The following GPR158 variants were observed in gnomAD, a reference collection of about 807,000 sequenced individuals.
GPR158 encodes metabotropic glycine receptor.
Under a neutral mutation model 78.2 loss-of-function variants are expected in GPR158, and 30 were observed. That is an observed-to-expected ratio of 0.38 (90% CI 0.29 to 0.52). The LOEUF is 0.52. Among genes scored for constraint, GPR158 ranks in the 20% least tolerant of loss-of-function variants. The probability of loss-of-function intolerance (pLI) is 0.83; values close to 1 mark genes in which losing one functional copy is unlikely to be tolerated. For missense variants in GPR158, 1,463 were observed against 1,523.5 expected (o/e 0.96, Z 0.66); for synonymous variants, 581 against 591.1 (o/e 0.98, Z 0.25).
At chr10:25,582,298 G>T (rs1281904954) in intron 7 of GPR158, among the ~76,000 whole-genome samples, 2 of 152,118 alleles carry the variant, frequency 1.3e-5, no homozygotes, top group Non-Finnish European at 2.9e-5. Flanking sequence ...AGCTCATCAT[G>T]TCCCCACTCT....
intron 4 of GPR158, among the ~76,000 whole-genome samples, chr10:25,440,262 C>G (rs1835050626): frequency 6.6e-6 from 1 of 152,202 alleles, no homozygotes; most frequent in Non-Finnish European, 1.5e-5. Context: ...GGGCCACTGA[C>G]TTCAGACTGA....
At chr10:25,591,296 C>T (rs7916181) in intron 8 of GPR158, among the ~76,000 whole-genome samples, 6,783 of 152,100 alleles carry the variant, frequency 0.045, 476 homozygotes, top group African/African-American at 0.15. Flanking sequence ...TGGAATCCCC[C>T]CAAACCTCAC....
chr10:25,227,899 A>G (rs1853396612), intron 2 of GPR158, among the ~76,000 whole-genome samples: 1 of 152,214 alleles, frequency 6.6e-6, no homozygotes, highest in East Asian at 1.9e-4. Flanking sequence ...TATTTATTGG[A>G]TTGGCAAGCA....
At chr10:25,330,653 C>T (rs1376818026) in intron 2 of GPR158, among the ~76,000 whole-genome samples, 1 of 152,166 alleles carries the variant, frequency 6.6e-6, no homozygotes, top group Non-Finnish European at 1.5e-5. Flanking sequence ...TTCTACCCTT[C>T]ATCAAGTAAA....
chr10:25,478,393 CAA>C, intron 5 of GPR158, among the ~76,000 whole-genome samples: 1 of 151,846 alleles, frequency 6.6e-6, no homozygotes, highest in East Asian at 1.9e-4. Flanking sequence ...GGTAAAAGAT[CAA>C]AGTCATTATC....
chr10:25,354,596 A>G (rs2483702), intron 2 of GPR158, among the ~76,000 whole-genome samples: 15,003 of 152,142 alleles, frequency 0.099, 826 homozygotes, highest in South Asian at 0.22. Context: ...TAGATTGCAT[A>G]CTACAATTCC....
chr10:25,268,427 G>T (rs1588767141), intron 2 of GPR158, among the ~76,000 whole-genome samples: 1 of 151,960 alleles, frequency 6.6e-6, no homozygotes, highest in Non-Finnish European at 1.5e-5. Flanking sequence ...TCCTGGATTC[G>T]ATCAAATTCA....
At position 25,598,571 on chromosome 10, in the gene GPR158, A is replaced by AC. The variant is rs974932436; in HGVS notation, c.2949dup (p.Thr984HisfsTer6). 9 of 1,613,778 alleles carry AC rather than the reference A, an allele frequency of 5.6e-6. No homozygotes were observed. The highest frequency in any genetic ancestry group is 1.3e-5 in the African/African-American group (1 of 74,836). On this transcript the variant is annotated frameshift_variant, in exon 11 of 11. Coordinates refer to ENST00000376351, the MANE Select transcript of GPR158 (RefSeq NM_020752.3). LOFTEE classifies it low-confidence loss of function (END_TRUNC). ...GGGATTATGAAACAACAAAGGGTCAACCCCACCACTGCCAATTCTGACCTG... is the reference window on the plus strand; with the variant it reads ...GGGATTATGAAACAACAAAGGGTCAACCCCCACCACTGCCAATTCTGACCTG...
intron 5 of GPR158, among the ~76,000 whole-genome samples, chr10:25,488,956 T>C (rs1273167958): frequency 1.3e-5 from 2 of 152,050 alleles, no homozygotes; most frequent in African/African-American, 2.4e-5. Context: ...AAAACTATGA[T>C]TTTACTCTAG....
chr10:25,364,551 G>A (rs80227082), intron 2 of GPR158, among the ~76,000 whole-genome samples: 4,509 of 151,904 alleles, frequency 0.03, 241 homozygotes, highest in African/African-American at 0.1. Flanking sequence ...ACTCTTTAAT[G>A]CTAATGCTGA....
At chr10:25,580,539 G>C (rs959169884) in intron 7 of GPR158, among the ~76,000 whole-genome samples, 4 of 149,860 alleles carry the variant, frequency 2.7e-5, no homozygotes, top group Non-Finnish European at 5.9e-5. Context: ...AGAAGATTAG[G>C]CTTTATTATG....
chr10:25,343,934 C>T (rs533038882), intron 2 of GPR158, among the ~76,000 whole-genome samples: 1 of 152,026 alleles, frequency 6.6e-6, no homozygotes, highest in Admixed American at 6.6e-5. Flanking sequence ...TATTTAAGAT[C>T]ATTAGGCATA....
At chr10:25,400,028 A>G (rs551635835) in intron 3 of GPR158, among the ~76,000 whole-genome samples, 1 of 152,208 alleles carries the variant, frequency 6.6e-6, no homozygotes, top group Non-Finnish European at 1.5e-5. Flanking sequence ...ACACAGTTAA[A>G]TAATTGAATA....
chr10:25,547,887 A>G (rs376173096), intron 5 of GPR158, among the ~76,000 whole-genome samples: 4 of 152,322 alleles, frequency 2.6e-5, no homozygotes, highest in East Asian at 3.9e-4. Flanking sequence ...AGTGTCTAGC[A>G]TATAGTAAGT....
chr10:25,376,077 G>A (rs1248481583), intron 2 of GPR158, among the ~76,000 whole-genome samples: 3 of 151,408 alleles, frequency 2.0e-5, no homozygotes, highest in East Asian at 1.9e-4. Flanking sequence ...GTAATTTTCA[G>A]CATACAGATG....
intron 3 of GPR158, among the ~76,000 whole-genome samples, chr10:25,401,366 A>G (rs1423133365): frequency 6.6e-6 from 1 of 152,008 alleles, no homozygotes; most frequent in Non-Finnish European, 1.5e-5. Context: ...TCTCCATCCA[A>G]TTGCCGGTCT....
intron 1 of GPR158, among the ~76,000 whole-genome samples, chr10:25,186,070 A>T (rs1326844845): frequency 2.6e-5 from 4 of 152,138 alleles, no homozygotes; most frequent in Admixed American, 2.6e-4. Flanking sequence ...TAAGAAACTC[A>T]CTCAAAACCA....
intron 2 of GPR158, among the ~76,000 whole-genome samples, chr10:25,250,462 T>G (rs546571266): frequency 1.4e-5 from 2 of 146,816 alleles, no homozygotes; most frequent in Admixed American, 6.8e-5. Context: ...TGCTATAAAT[T>G]TCCCTCTACA....
intron 6 of GPR158, among the ~76,000 whole-genome samples, chr10:25,563,701 GCTC>G (rs1175993473): frequency 2.0e-5 from 3 of 152,028 alleles, no homozygotes; most frequent in Non-Finnish European, 2.9e-5. Flanking sequence ...CAAAAACTTT[GCTC>G]CTATTAACTT....
Sources: allele counts gnomAD v4.1 joint callset (sites outside exome capture counted in the v4.1 genomes callset), GRCh38; gene constraint gnomAD v4.1.1; transcripts MANE v1.5; gene names NCBI Gene and HGNC (gene_info 2026-07-23, HGNC 2026-07-21).